XPOT: variants seen among roughly 807,000 people sequenced by gnomAD.
XPOT encodes exportin-T.
A neutral mutation model predicts 128.2 loss-of-function variants in XPOT; 34 were observed. That is an observed-to-expected ratio of 0.27 (90% CI 0.20 to 0.35). The LOEUF is 0.35. Ranked by LOEUF, XPOT falls within the 10% of genes least tolerant of loss-of-function variation. The pLI, the probability that XPOT is intolerant of heterozygous loss-of-function variation, is 1.00. For missense variants in XPOT, 838 were observed against 1,125.3 expected, an observed-to-expected ratio of 0.74 and a Z score of 3.65; for synonymous variants, 348 against 394.3, an observed-to-expected ratio of 0.88 and a Z score of 1.39.
chr12:64,444,975 A>C, intron 23 of XPOT, 100 bp from the exon 24 acceptor site: 1 of 818,708 alleles, frequency 1.2e-6, no homozygotes, highest in Admixed American at 3.2e-5. Flanking sequence ...CATCTCTTAA[A>C]AAAAAAAAAA....
intron 9 of XPOT, among the ~76,000 whole-genome samples, chr12:64,422,217 TATG>T (rs778609886): frequency 6.6e-5 from 10 of 152,232 alleles, no homozygotes; most frequent in South Asian, 2.1e-4. Context: ...AACTTATCAA[TATG>T]ATATTAGATG....
At chr12:64,416,899 T>G in intron 4 of XPOT, 145 bp downstream of exon 4, 3 of 778,302 alleles carry the variant, frequency 3.9e-6, no homozygotes, top group South Asian at 3.7e-5. Context: ...TACGTTTTGA[T>G]GTACCCCAAA....
In XPOT at chr12:64,433,606, G is replaced by A. The variant is rs1221148725; in HGVS notation, c.2452+3G>A. 30 of 1,588,048 alleles carry A rather than the reference G, an allele frequency of 1.9e-5. No homozygotes were observed. The highest frequency in any genetic ancestry group is 2.6e-5 in the Non-Finnish European group (30 of 1,162,748). On this transcript the variant is annotated splice_donor_region_variant and intron_variant, in intron 19 of 24. Transcript: ENST00000332707. ...GAGCGAAGTTATAGCAAATCAAGGTGGGAACACATGCCATATCTAATTTGT... is the reference window on the plus strand; with the variant it reads ...GAGCGAAGTTATAGCAAATCAAGGTAGGAACACATGCCATATCTAATTTGT...
At position 64,448,434 on chromosome 12, in the gene XPOT, A is replaced by G; in HGVS notation, c.*303A>G. The G allele has an allele frequency of 3.4e-6, 1 of 290,050 alleles. No individual in the cohort carries two copies. The highest frequency in any genetic ancestry group is 6.4e-6 in the Non-Finnish European group (1 of 156,354). 18.0% of individuals were successfully genotyped at this position (290,050 alleles called of 1,614,324 possible). ...ATTTTAAGTCAAGTCCTTTATAAAG[A>G]CCATAGCAGTGGAAAACAGTGTACT... On this transcript the variant is annotated 3_prime_UTR_variant, in exon 25 of 25. Coordinates refer to ENST00000332707, the MANE Select transcript of XPOT (RefSeq NM_007235.6).
chr12:64,425,882 T>C lies in XPOT; in HGVS notation c.1640T>C (p.Leu547Pro). 3.1e-6 allele frequency: 5 copies of C among 1,614,196 alleles called. No homozygotes were observed. Among genetic ancestry groups the C allele is most frequent in the Non-Finnish European group, 4.2e-6 (5 of 1,180,022 alleles). Residue 547 changes from leucine (L) to proline (P), a missense_variant, in exon 15 of 25, where the codon CTG becomes CCG. Transcript: ENST00000332707. The part of the protein sequence containing the change: ...SAKVRSRTAY[L>P]FSRFVKSLNK... ...AAAGTTCGGAGCAGGACGGCTTACC[T>C]GTTTTCTAGATTTGTCAAATCTCTC...
chr12:64,409,747 C>T (rs1161151402), intron 1 of XPOT: 1 of 310,598 alleles, frequency 3.2e-6, no homozygotes, highest in Non-Finnish European at 5.9e-6. Context: ...AAAAAAAAAT[C>T]AGATTTTTAG....
chr12:64,408,611 A>C (rs2040004779), intron 1 of XPOT, among the ~76,000 whole-genome samples: 1 of 152,192 alleles, frequency 6.6e-6, no homozygotes, highest in South Asian at 2.1e-4. Context: ...ATTACCTCTC[A>C]GAGATTAAAA....
chr12:64,441,938 TAA>T (rs2136038395), intron 23 of XPOT, among the ~76,000 whole-genome samples: 1 of 152,046 alleles, frequency 6.6e-6, no homozygotes, highest in Admixed American at 6.5e-5. Flanking sequence ...CTTGGCCTCC[TAA>T]AGTCCCAGGA....
At chr12:64,424,509 T>C in intron 11 of XPOT, 90 bp from the exon 12 acceptor site, 1 of 1,401,198 alleles carries the variant, frequency 7.1e-7, no homozygotes, top group Non-Finnish European at 9.6e-7. Context: ...ACGTGCAGGT[T>C]TGTTACATAG....
At chr12:64,416,837 C>A in intron 4 of XPOT, 83 bp downstream of exon 4, 3 of 1,194,760 alleles carry the variant, frequency 2.5e-6, no homozygotes, top group Admixed American at 3.9e-5. Flanking sequence ...CATAAGGAAA[C>A]CATAATACAG....
chr12:64,429,381 G>A (rs7976457), intron 16 of XPOT, among the ~76,000 whole-genome samples: 20,760 of 151,916 alleles, frequency 0.14, 1,659 homozygotes, highest in East Asian at 0.35. Context: ...ACAGACACAT[G>A]CAAAATAATG....
chr12:64,408,096 A>G (rs1278062898), intron 1 of XPOT, among the ~76,000 whole-genome samples: 12 of 152,100 alleles, frequency 7.9e-5, no homozygotes, highest in Admixed American at 7.9e-4. Context: ...TAATTGAAAC[A>G]AAAAGCCCCA....
chr12:64,418,215 C>T, intron 5 of XPOT, 100 bp downstream of exon 5: 1 of 929,812 alleles, frequency 1.1e-6, no homozygotes, highest in Non-Finnish European at 1.6e-6. Flanking sequence ...CATCAGTGTT[C>T]CTCCATTTGA....
intron 2 of XPOT, among the ~76,000 whole-genome samples, chr12:64,414,473 TCAC>T (rs1360177465): frequency 6.6e-6 from 1 of 152,200 alleles, no homozygotes; most frequent in African/African-American, 2.4e-5. Flanking sequence ...TCTTTTATAA[TCAC>T]CGCTTTAATA....
intron 16 of XPOT, 82 bp downstream of exon 16, chr12:64,428,202 T>TAA: frequency 3.1e-5 from 24 of 783,638 alleles, no homozygotes; most frequent in South Asian, 3.9e-5. Flanking sequence ...TGTTGGCATT[T>TAA]AAAAAAAAAA....
rs186474349 is a variant in XPOT, at chr12:64,440,879, T to G, written c.2805+1564T>G. On this transcript the variant is annotated intron_variant, in intron 23 of 24. Coordinates refer to ENST00000332707, the MANE Select transcript of XPOT (RefSeq NM_007235.6). ...TTATCAGATAAATGGTTTGCAAATA[T>G]TTTCTCCCATTCTTTAGCTATTCCA... Among the ~76,000 whole-genome samples the G allele has an allele frequency of 2.0e-4, 31 of 152,338 alleles. No individual in the cohort carries two copies. In the East Asian group the frequency reaches 4.2e-3, roughly 21 times the overall value.
At chr12:64,429,230 C>T (rs1289124794) in intron 16 of XPOT, among the ~76,000 whole-genome samples, 1 of 152,138 alleles carries the variant, frequency 6.6e-6, no homozygotes, top group Admixed American at 6.5e-5. Flanking sequence ...AGTCTGTCCA[C>T]CTTTCAGAGA....
At chr12:64,443,321 GGT>G (rs1300588856) in intron 23 of XPOT, 1 of 152,206 alleles carries the variant, frequency 6.6e-6, no homozygotes, top group Non-Finnish European at 1.5e-5. Context: ...CTTCATAGGT[GGT>G]GGCAGTCAAA....
At chr12:64,440,993 A>G (rs1427706220) in intron 23 of XPOT, among the ~76,000 whole-genome samples, 4 of 152,142 alleles carry the variant, frequency 2.6e-5, no homozygotes, top group East Asian at 1.9e-4. Flanking sequence ...GCTTTTCGTG[A>G]TATCAATGAA....
Sources: allele counts gnomAD v4.1 joint callset (sites outside exome capture counted in the v4.1 genomes callset), GRCh38; gene constraint gnomAD v4.1.1; transcripts MANE v1.5; gene names NCBI Gene and HGNC (gene_info 2026-07-23, HGNC 2026-07-21).